Variants in ZNF26 observed in about 807,000 individuals in gnomAD.
ZNF26 encodes the protein zinc finger protein 26.
A neutral mutation model predicts 54.9 loss-of-function variants in ZNF26; 32 were observed. That is an observed-to-expected ratio of 0.58 (90% CI 0.44 to 0.78). ZNF26 has a LOEUF of 0.78. Among genes scored for constraint, ZNF26 ranks in the 30% least tolerant of loss-of-function variants. The pLI is 0.00. For synonymous variants in ZNF26, 221 were observed against 209.2 expected (o/e 1.06, Z -0.49); for missense variants, 524 against 634.0 (o/e 0.83, Z 1.86).
chr12:132,986,990 T>TTA, intron 1 of ZNF26, 117 bp downstream of exon 1: 1 of 1,183,624 alleles, frequency 8.4e-7, no homozygotes, highest in East Asian at 2.6e-5. Context: ...TGTGCGTAGT[T>TTA]TACTAGACTA....
At chr12:132,997,615 G>A (rs2137229130) in intron 1 of ZNF26, among the ~76,000 whole-genome samples, 1 of 152,340 alleles carries the variant, frequency 6.6e-6, no homozygotes, top group African/African-American at 2.4e-5. Flanking sequence ...AGCTTTAGCA[G>A]CAGTGCAGTG....
intron 1 of ZNF26, among the ~76,000 whole-genome samples, chr12:133,003,515 A>C (rs1953264152): frequency 6.6e-6 from 1 of 151,948 alleles, no homozygotes. Flanking sequence ...GGCCTCCCAA[A>C]GTGCTGGGAT....
rs1953587899 is a variant in ZNF26 at position 133,017,904 on chromosome 12, G to A, written c.*6423G>A. The stretch of plus-strand genomic sequence containing the variant: ...GGCGCCTGTAGTCCCAGCTACTCGG[G>A]AGGCTGAGGCAGGAGAATGGCTTGA... On this transcript the variant is annotated 3_prime_UTR_variant, in exon 4 of 4. Transcript: ENST00000328654. 1 of 152,314 alleles carries A rather than the reference G, an allele frequency of 6.6e-6. No homozygotes were observed. Among genetic ancestry groups the A allele is most frequent in the African/African-American group, 2.4e-5 (1 of 41,578 alleles). 9.4% of individuals were successfully genotyped at this position (152,314 alleles called of 1,614,324 possible). A position where few individuals can be genotyped will look rare whatever the true frequency, so the allele number is the denominator to read the frequency against.
rs1953498209 is a variant in ZNF26, at chr12:133,012,465, T to C, written c.*984T>C. On this transcript the variant is annotated 3_prime_UTR_variant, in exon 4 of 4. Coordinates refer to ENST00000328654, the MANE Select transcript of ZNF26 (RefSeq NM_019591.4). ...TTCTGTTGAGAACATCCATTCATTC[T>C]GGCTAATTGATTACAAGAATAACTG... is the stretch of plus-strand genomic sequence containing the variant. The C allele has an allele frequency of 6.6e-6, 1 of 152,166 alleles. No individual in the cohort carries two copies. The highest frequency in any genetic ancestry group is 2.1e-4 in the South Asian group (1 of 4,824). The allele number at this position is 152,166 out of a possible 1,614,324, so 9.4% of individuals were successfully genotyped here.
rs1953620990 is a variant in ZNF26, at chr12:133,020,180, A to G, written c.*8699A>G. ...ATATATAAACACAGTCAATATGTCTATTCAGTCATAAAAATAAAATCCTGT... is the reference window on the plus strand; with the variant it reads ...ATATATAAACACAGTCAATATGTCTGTTCAGTCATAAAAATAAAATCCTGT... On this transcript the variant is annotated 3_prime_UTR_variant, in exon 4 of 4. Transcript: ENST00000328654. The G allele has an allele frequency of 1.3e-5, 2 of 152,214 alleles. No individual in the cohort carries two copies. The highest frequency in any genetic ancestry group is 4.8e-5 in the African/African-American group (2 of 41,458). The allele number at this position is 152,214 out of a possible 1,614,324, so 9.4% of individuals were successfully genotyped here. A position where few individuals can be genotyped will look rare whatever the true frequency, so the allele number is the denominator to read the frequency against.
At chr12:133,008,100 A>T (rs1250484756) in intron 3 of ZNF26, among the ~76,000 whole-genome samples, 1 of 152,120 alleles carries the variant, frequency 6.6e-6, no homozygotes, top group East Asian at 1.9e-4. Flanking sequence ...CCGAAGGTTT[A>T]CGCTTTCCCC....
chr12:132,989,269 C>A (rs1381758438), intron 1 of ZNF26, among the ~76,000 whole-genome samples: 1 of 151,964 alleles, frequency 6.6e-6, no homozygotes, highest in Admixed American at 6.6e-5. Context: ...ATCTCCTGAC[C>A]TCGTGATCAG....
intron 1 of ZNF26, among the ~76,000 whole-genome samples, chr12:133,002,440 C>A (rs1953238894): frequency 6.6e-6 from 1 of 152,102 alleles, no homozygotes; most frequent in Admixed American, 6.6e-5. Context: ...TCTTCCACAG[C>A]AGTCAGGATG....
At position 133,013,044 on chromosome 12, in the gene ZNF26, G is replaced by C. The variant is rs1178592129; in HGVS notation, c.*1563G>C. 1 of 152,186 alleles carries C rather than the reference G, an allele frequency of 6.6e-6. No homozygotes were observed. Among genetic ancestry groups the C allele is most frequent in the Non-Finnish European group, 1.5e-5 (1 of 68,028 alleles). 9.4% of individuals were successfully genotyped at this position (152,186 alleles called of 1,614,324 possible). On this transcript the variant is annotated 3_prime_UTR_variant, in exon 4 of 4. Coordinates refer to ENST00000328654, the MANE Select transcript of ZNF26 (RefSeq NM_019591.4). ...AGATAGCAACTTTTAGCCATCATGT[G>C]AAATATGGTTATTGTTTCTGTACAC...
chr12:133,022,639 CAA>C lies in ZNF26; in HGVS notation c.*11159_*11160del, dbSNP rs1337693969. 7 of 151,834 alleles carry C rather than the reference CAA, an allele frequency of 4.6e-5. No homozygotes were observed. The South Asian group carries it at 1.0e-3, about 23-fold the overall frequency. The allele number at this position is 151,834 out of a possible 1,614,324, so 9.4% of individuals were successfully genotyped here. Reference sequence around the variant, plus strand: ...TTGTATACTCTAGGTGAAACTATCTCAATACAAATTTAATTAAAACAAAATAA... The same window carrying C: ...TTGTATACTCTAGGTGAAACTATCTCTACAAATTTAATTAAAACAAAATAA... On this transcript the variant is annotated 3_prime_UTR_variant, in exon 4 of 4. Coordinates refer to ENST00000328654, the MANE Select transcript of ZNF26 (RefSeq NM_019591.4).
In ZNF26 at chr12:133,013,665, A is replaced by C. The variant is rs969454487; in HGVS notation, c.*2184A>C. 41 of 159,188 alleles carry C rather than the reference A, an allele frequency of 2.6e-4. No individual in the cohort carries two copies. The highest frequency in any genetic ancestry group is 9.9e-4 in the African/African-American group (40 of 40,210). 9.9% of individuals were successfully genotyped at this position (159,188 alleles called of 1,614,324 possible). Reference sequence around the variant, plus strand: ...AGGAGTATCTGGGAAGAACCTGAGGACTCAGCCTAGCAAACTCTTCTGATA... The same window carrying C: ...AGGAGTATCTGGGAAGAACCTGAGGCCTCAGCCTAGCAAACTCTTCTGATA... On this transcript the variant is annotated 3_prime_UTR_variant, in exon 4 of 4. Transcript: ENST00000328654.
In ZNF26 at chr12:133,027,037, A is replaced by C. The variant is rs1178839000; in HGVS notation, c.*15556A>C. On this transcript the variant is annotated 3_prime_UTR_variant, in exon 4 of 4. Coordinates refer to ENST00000328654, the MANE Select transcript of ZNF26 (RefSeq NM_019591.4). ...ATGCAACACCTTTTTACGATTATAAACCCCTCAGCAAACATACTTCAAGCA... is the reference window on the plus strand; with the variant it reads ...ATGCAACACCTTTTTACGATTATAACCCCCTCAGCAAACATACTTCAAGCA... The C allele has an allele frequency of 1.3e-5, 2 of 152,076 alleles. No individual in the cohort carries two copies. Among genetic ancestry groups the C allele is most frequent in the Non-Finnish European group, 1.5e-5 (1 of 68,028 alleles). 9.4% of individuals were successfully genotyped at this position (152,076 alleles called of 1,614,324 possible).
Position 133,010,584 on chromosome 12 carries a change from C to CGAGAA in ZNF26, c.707_711dup (p.Val238ArgfsTer48). The CGAGAA allele has an allele frequency of 1.2e-6, 2 of 1,614,008 alleles. No individual in the cohort carries two copies. The highest frequency in any genetic ancestry group is 2.2e-5 in the South Asian group (2 of 91,070). On this transcript the variant is annotated frameshift_variant, in exon 4 of 4. Coordinates refer to ENST00000328654, the MANE Select transcript of ZNF26 (RefSeq NM_019591.4). LOFTEE classifies it high-confidence loss of function. Reference sequence around the variant, plus strand: ...AAAAACCCTACTCATGTAGTGAGTGCGAGAAGGTCTTCTCTTTCAGGTCAC... The same window carrying CGAGAA: ...AAAAACCCTACTCATGTAGTGAGTGCGAGAAGAGAAGGTCTTCTCTTTCAGGTCAC...
Position 133,001,678 on chromosome 12 carries a change from T to C in ZNF26, c.34-5364T>C. 7.8e-7 allele frequency: 1 copy of C among 1,289,122 alleles called. No homozygotes were observed. Among genetic ancestry groups the C allele is most frequent in the Non-Finnish European group, 1.0e-6 (1 of 988,694 alleles). 79.9% of individuals were successfully genotyped at this position (1,289,122 alleles called of 1,614,324 possible). A position where few individuals can be genotyped will look rare whatever the true frequency, so the allele number is the denominator to read the frequency against. On this transcript the variant is annotated intron_variant, in intron 1 of 3. Coordinates refer to ENST00000328654, the MANE Select transcript of ZNF26 (RefSeq NM_019591.4). The surrounding 1 kb of genome is among the most constrained non-coding windows in gnomAD (Gnocchi z 4.7). ...CCTGCTAATGAGCTCAAGTGTCAAGTTCGGGAATCTTCTGGGTGTTCCTTG... is the reference window on the plus strand; with the variant it reads ...CCTGCTAATGAGCTCAAGTGTCAAGCTCGGGAATCTTCTGGGTGTTCCTTG...
intron 1 of ZNF26, chr12:132,987,591 C>CT: frequency 4.0e-6 from 2 of 504,346 alleles, no homozygotes; most frequent in South Asian, 1.7e-4. Context: ...CAGCCGGAGA[C>CT]TAGGAATGCT....
At chr12:133,009,591 C>CA (rs201001282) in intron 3 of ZNF26, among the ~76,000 whole-genome samples, 196 of 142,554 alleles carry the variant, frequency 1.4e-3, no homozygotes, top group South Asian at 6.2e-3. Context: ...GACCCTGTCT[C>CA]AAAAAAAAAA....
chr12:132,992,793 T>C (rs1952991687), intron 1 of ZNF26, among the ~76,000 whole-genome samples: 1 of 151,958 alleles, frequency 6.6e-6, no homozygotes, highest in African/African-American at 2.4e-5. Flanking sequence ...TTTCTTCTGT[T>C]CTTTTCCTTT....
chr12:133,003,137 C>T (rs1691461951), intron 1 of ZNF26, among the ~76,000 whole-genome samples: 1 of 152,124 alleles, frequency 6.6e-6, no homozygotes, highest in African/African-American at 2.4e-5. Context: ...GTTTGCTGTG[C>T]ATCAGCTTAC....
Position 133,010,640 on chromosome 12 carries a change from G to C in ZNF26, c.761G>C (p.Gly254Ala). Residue 254 changes from glycine to alanine, a missense_variant, in exon 4 of 4, where the codon GGA becomes GCA. By Grantham distance (60) the Gly-to-Ala change is moderately conservative (BLOSUM62 0). Transcript: ENST00000328654. Reference protein sequence around the residue: ...QLIVHQEIHTGGKPYGCSECG... With the variant: ...QLIVHQEIHTAGKPYGCSECG... ...ATTGTCCATCAGGAAATTCACACAGGAGGGAAACCCTATGGCTGCAGTGAA... is the reference window on the plus strand; with the variant it reads ...ATTGTCCATCAGGAAATTCACACAGCAGGGAAACCCTATGGCTGCAGTGAA... 6.2e-7 allele frequency: 1 copy of C among 1,614,110 alleles called. No individual in the cohort carries two copies. Among genetic ancestry groups the C allele is most frequent in the Non-Finnish European group, 8.5e-7 (1 of 1,180,034 alleles).
Sources: gnomAD v4.1 joint callset for allele counts (sites outside exome capture counted in the v4.1 genomes callset) on GRCh38, gnomAD v4.1.1 for gene constraint, Gnocchi (gnomAD v3.1) non-coding constraint, MANE v1.5 for transcripts, NCBI Gene and HGNC (gene_info 2026-07-23, HGNC 2026-07-21) for gene names.